MDGA2: variants seen among roughly 807,000 people sequenced by gnomAD.
The protein encoded by MDGA2 is MAM domain-containing glycosylphosphatidylinositol anchor protein 2.
A neutral mutation model predicts 117.8 loss-of-function variants in MDGA2; 40 were observed. That is an observed-to-expected ratio of 0.34 (90% CI 0.26 to 0.44). The LOEUF is 0.44. Among genes scored for constraint, MDGA2 ranks in the 20% least tolerant of loss-of-function variants. The pLI, the probability that MDGA2 is intolerant of heterozygous loss-of-function variation, is 1.00. For synonymous variants in MDGA2, 452 were observed against 439.0 expected, an observed-to-expected ratio of 1.03 and a Z score of -0.37; for missense variants, 1,123 against 1,250.6, an observed-to-expected ratio of 0.90 and a Z score of 1.54.
chr14:47,471,231 G>A (rs1842867157), intron 1 of MDGA2, among the ~76,000 whole-genome samples: 1 of 134,574 alleles, frequency 7.4e-6, no homozygotes, highest in Non-Finnish European at 1.6e-5. Flanking sequence ...TTCTGTTCTT[G>A]TGATTAATGG....
chr14:47,193,921 T>C (rs1885199499), intron 3 of MDGA2, among the ~76,000 whole-genome samples: 1 of 152,184 alleles, frequency 6.6e-6, no homozygotes, highest in Non-Finnish European at 1.5e-5. Flanking sequence ...TCGTATGGTA[T>C]AGTTATTAAA....
At chr14:47,284,050 G>T (rs1424394812) in intron 2 of MDGA2, among the ~76,000 whole-genome samples, 8 of 152,166 alleles carry the variant, frequency 5.3e-5, no homozygotes, top group Admixed American at 4.6e-4. Context: ...CCTTGGTCTT[G>T]TCACTTAATT....
chr14:47,616,333 A>T (rs1896948374), intron 1 of MDGA2, among the ~76,000 whole-genome samples: 1 of 152,226 alleles, frequency 6.6e-6, no homozygotes, highest in Non-Finnish European at 1.5e-5. Flanking sequence ...CTGCTTATGC[A>T]TTTATGCTAC....
At chr14:46,997,502 T>C (rs576335339) in intron 8 of MDGA2, among the ~76,000 whole-genome samples, 178 of 152,276 alleles carry the variant, frequency 1.2e-3, no homozygotes, top group African/African-American at 4.1e-3. Context: ...AAATAACATT[T>C]GGGGGTTTGT....
intron 1 of MDGA2, among the ~76,000 whole-genome samples, chr14:47,400,331 T>A (rs552680814): frequency 4.3e-4 from 65 of 152,302 alleles, no homozygotes; most frequent in African/African-American, 1.5e-3. Context: ...TTTATGACTA[T>A]TATTTTTTCT....
intron 1 of MDGA2, among the ~76,000 whole-genome samples, chr14:47,352,555 A>G (rs1594812446): frequency 6.6e-6 from 1 of 152,334 alleles, no homozygotes; most frequent in East Asian, 1.9e-4. Context: ...CATGGACGCA[A>G]CTGACAGTTC....
In MDGA2 at chr14:47,093,393, G is replaced by C. The variant is rs139491676; in HGVS notation, c.1195+3461C>G. 2.9e-3 allele frequency among the ~76,000 whole-genome samples: 447 copies of C among 152,204 alleles called. 4 individuals carry two copies. Among genetic ancestry groups the C allele is most frequent in the African/African-American group, 0.01 (423 of 41,556 alleles). ...GTGATTTAATTCATGAGAGAAGAGA[G>C]ATGTAGGCATTTCTAAATAGAACGA... On this transcript the variant is annotated intron_variant, in intron 6 of 16. Transcript: ENST00000399232.
At chr14:47,244,157 C>T (rs945209462) in intron 2 of MDGA2, among the ~76,000 whole-genome samples, 2 of 151,716 alleles carry the variant, frequency 1.3e-5, no homozygotes, top group African/African-American at 2.4e-5. Context: ...AGCACAGTGC[C>T]TGACATGTAG....
intron 6 of MDGA2, among the ~76,000 whole-genome samples, chr14:47,062,435 CA>C (rs1298636257): frequency 1.1e-4 from 17 of 151,748 alleles, no homozygotes. Flanking sequence ...AATGATACCA[CA>C]ATACTCAATA....
rs143075637 is a variant in MDGA2, at chr14:47,499,790, G to A, written c.280+174727C>T. Among the ~76,000 whole-genome samples the A allele has an allele frequency of 5.0e-3, 758 of 152,222 alleles. 8 individuals carry two copies. Among genetic ancestry groups the A allele is most frequent in the Middle Eastern group, 0.041 (12 of 294 alleles). ...AGAAGGGGCAGTTCGTAGGCACTGC[G>A]ATTCCATGCTTGAGAATTTATAAAC... On this transcript the variant is annotated intron_variant, in intron 1 of 16. Transcript: ENST00000399232.
chr14:46,938,261 G>A lies in MDGA2; in HGVS notation c.2090-18101C>T, dbSNP rs537120595. 7.2e-5 allele frequency among the ~76,000 whole-genome samples: 11 copies of A among 152,020 alleles called. No homozygotes were observed. The South Asian group carries it at 1.5e-3, about 20-fold the overall frequency. The stretch of plus-strand genomic sequence containing the variant: ...AACCACAGTAAGATATCATCCGGCT[G>A]GGCATGGTGGCTCATGCCTGTAATC... On this transcript the variant is annotated intron_variant, in intron 9 of 16. Coordinates refer to ENST00000399232, the MANE Select transcript of MDGA2 (RefSeq NM_001113498.3).
At chr14:47,458,251 T>C (rs898892954) in intron 1 of MDGA2, among the ~76,000 whole-genome samples, 1 of 152,218 alleles carries the variant, frequency 6.6e-6, no homozygotes, top group African/African-American at 2.4e-5. Context: ...ACTTTGTTGG[T>C]TGTATCCCTT....
rs147345922 is a variant in MDGA2, at chr14:47,057,408, A to G, written c.1525+3841T>C. On this transcript the variant is annotated intron_variant, in intron 7 of 16. Coordinates refer to ENST00000399232, the MANE Select transcript of MDGA2 (RefSeq NM_001113498.3). Reference sequence around the variant, plus strand: ...AGGCCTATTTGTACTATCACCATATAACACAGAGTGTATATGTAGCAATAA... The same window carrying G: ...AGGCCTATTTGTACTATCACCATATGACACAGAGTGTATATGTAGCAATAA... Among the ~76,000 whole-genome samples, 520 of 152,232 alleles carry G rather than the reference A, an allele frequency of 3.4e-3. 6 individuals carry two copies. The highest frequency in any genetic ancestry group is 0.012 in the African/African-American group (487 of 41,546).
At chr14:47,359,679 A>T (rs149361807) in intron 1 of MDGA2, among the ~76,000 whole-genome samples, 119 of 136,986 alleles carry the variant, frequency 8.7e-4, no homozygotes, top group African/African-American at 2.6e-3. Flanking sequence ...TGAACCTGAG[A>T]GGTGGAGGTT....
chr14:47,563,979 G>A (rs985951172), intron 1 of MDGA2, among the ~76,000 whole-genome samples: 2 of 152,088 alleles, frequency 1.3e-5, no homozygotes, highest in Admixed American at 6.5e-5. Flanking sequence ...GCACTTGCTT[G>A]TCTGAAAAGA....
intron 1 of MDGA2, among the ~76,000 whole-genome samples, chr14:47,653,165 T>C (rs530430273): frequency 1.3e-5 from 2 of 152,144 alleles, no homozygotes; most frequent in Non-Finnish European, 2.9e-5. Context: ...GTTAAGGTCT[T>C]TTAAAATAGA....
intron 8 of MDGA2, among the ~76,000 whole-genome samples, chr14:46,980,297 A>C (rs1886621845): frequency 6.6e-6 from 1 of 152,180 alleles, no homozygotes; most frequent in Non-Finnish European, 1.5e-5. Flanking sequence ...TAGCAAGATA[A>C]CTAAAATTAG....
At chr14:46,922,496 A>G (rs1489161038) in intron 9 of MDGA2, among the ~76,000 whole-genome samples, 1 of 152,190 alleles carries the variant, frequency 6.6e-6, no homozygotes, top group Non-Finnish European at 1.5e-5. Context: ...AGGAACTGGC[A>G]CTTCAAAATT....
At chr14:47,500,441 C>T (rs1894376681) in intron 1 of MDGA2, among the ~76,000 whole-genome samples, 1 of 152,062 alleles carries the variant, frequency 6.6e-6, no homozygotes, top group African/African-American at 2.4e-5. Context: ...GCCAGAAAAT[C>T]TGAAATGAAA....
Sources: allele counts gnomAD v4.1 joint callset (sites outside exome capture counted in the v4.1 genomes callset), GRCh38; gene constraint gnomAD v4.1.1; transcripts MANE v1.5; gene names NCBI Gene and HGNC (gene_info 2026-07-23, HGNC 2026-07-21).